Variants in FGA observed in about 807,000 individuals in gnomAD.
The protein encoded by FGA is fibrinogen, A alpha polypeptide.
FGA carries 20 observed loss-of-function variants against 20.3 expected under a neutral mutation model. The ratio of observed to expected loss-of-function variants is 0.99; its 90% CI spans 0.69 to 1.43. The LOEUF is 1.43. Among genes scored for constraint, FGA ranks in the 40% most tolerant of loss-of-function variants. The pLI, the probability that FGA is intolerant of heterozygous loss-of-function variation, is 0.00. For synonymous variants in FGA, 306 were observed against 281.6 expected (o/e 1.09, Z -0.87); for missense variants, 777 against 784.7 (o/e 0.99, Z 0.12).
Position 154,585,629 on chromosome 4 carries a change from G to A in FGA, c.1800C>T (p.Ser600=). 1.2e-6 allele frequency: 2 copies of A among 1,614,156 alleles called. No individual in the cohort carries two copies. The highest frequency in any genetic ancestry group is 1.7e-6 in the Non-Finnish European group (2 of 1,180,020). ...TTCCGGCCTCATCTGCCATTTTATA[G>A]CTCTTGCTTTCAAATGTGGAGTCTC... The part of the protein sequence containing the change: ...NRGDSTFESK[S]YKMADEAGSE... The change falls in exon 5 of 5, where the codon AGC becomes AGT. Residue 600 remains serine, a synonymous_variant. Coordinates refer to ENST00000403106, the MANE Select transcript of FGA (RefSeq NM_021871.4).
At position 154,586,028 on chromosome 4, in the gene FGA, C is replaced by A; in HGVS notation, c.1401G>T (p.Lys467Asn). 1 of 1,614,174 alleles carries A rather than the reference C, an allele frequency of 6.2e-7. No homozygotes were observed. The highest frequency in any genetic ancestry group is 8.5e-7 in the Non-Finnish European group (1 of 1,180,024). Residue 467 changes from lysine to asparagine, a missense_variant, in exon 5 of 5, where the codon AAG (lysine) becomes AAT (asparagine). Coordinates refer to ENST00000403106, the MANE Select transcript of FGA (RefSeq NM_021871.4). ...TGTGACCATCAGGACCAATAACAGT[C>A]TTAGTAACGGTTTTAGAGCATGAAC... The part of the protein sequence containing the change: ...TRRSCSKTVT[K>N]TVIGPDGHKE...
chr4:154,589,404 A>C, intron 2 of FGA, 33 bp downstream of exon 2: 1 of 1,613,074 alleles, frequency 6.2e-7, no homozygotes, highest in Non-Finnish European at 8.5e-7. Context: ...ATCAGAGGGA[A>C]GGAATCTCCT....
rs1426414909 is a variant in FGA, at chr4:154,586,753, T to G, written c.676A>C (p.Met226Leu). ...GGAACCAAGTCTGGAACTGGTTTCA[T>G]TTTTATCAGTGGTAAGTGTTGCCTA... is the stretch of plus-strand genomic sequence containing the variant. ...RDRQHLPLIK[M>L]KPVPDLVPGN... The change falls in exon 5 of 5, where the codon ATG becomes CTG. Residue 226 changes from methionine (M) to leucine (L), a missense_variant. By Grantham distance (15) the Met-to-Leu change is conservative. Coordinates refer to ENST00000403106, the MANE Select transcript of FGA (RefSeq NM_021871.4). The G allele has an allele frequency of 6.2e-7, 1 of 1,614,064 alleles. No individual in the cohort carries two copies. The highest frequency in any genetic ancestry group is 8.5e-7 in the Non-Finnish European group (1 of 1,180,032).
downstream of FGA, chr4:154,584,739 A>G: frequency 1.2e-6 from 2 of 1,614,140 alleles, no homozygotes; most frequent in Non-Finnish European, 1.7e-6. Context: ...CTTGATCGCA[A>G]TAAACAGAAA....
rs190703077 is a variant in FGA, at chr4:154,588,990, G to C, written c.181-14C>G. 6.2e-7 allele frequency: 1 copy of C among 1,605,444 alleles called. No individual in the cohort carries two copies. Among genetic ancestry groups the C allele is most frequent in the Non-Finnish European group, 8.5e-7 (1 of 1,172,374 alleles). The stretch of plus-strand genomic sequence containing the variant: ...GCATTTGTAGTTCTGAAAGTGAAGG[G>C]AGAAAATTACAGTAAGGATCTATCT... On this transcript the variant is annotated splice_polypyrimidine_tract_variant and intron_variant, in intron 2 of 4. Coordinates refer to ENST00000403106, the MANE Select transcript of FGA (RefSeq NM_021871.4).
chr4:154,586,832 A>C lies in FGA; in HGVS notation c.597T>G (p.Asp199Glu), dbSNP rs761701116. The change falls in exon 5 of 5, where the codon GAT (aspartate) becomes GAG (glutamate). Residue 199 changes from aspartate to glutamate, a missense_variant. Coordinates refer to ENST00000403106, the MANE Select transcript of FGA (RefSeq NM_021871.4). ...TGACCTGTTCAAGTTGCTTCTGCTG[A>C]TCTTCATAGTCCTTCAGATCTACTT... Reference protein sequence around the residue: ...AREVDLKDYEDQQKQLEQVIA... With the variant: ...AREVDLKDYEEQQKQLEQVIA... 6.2e-7 allele frequency: 1 copy of C among 1,614,164 alleles called. No homozygotes were observed. Among genetic ancestry groups the C allele is most frequent in the Admixed American group, 1.7e-5 (1 of 60,022 alleles).
chr4:154,585,913 G>T lies in FGA; in HGVS notation c.1516C>A (p.Leu506Met). 1 of 1,614,032 alleles carries T rather than the reference G, an allele frequency of 6.2e-7. No homozygotes were observed. The highest frequency in any genetic ancestry group is 2.2e-5 in the East Asian group (1 of 44,884). The change falls in exon 5 of 5, where the codon CTG becomes ATG. Residue 506 changes from leucine to methionine, a missense_variant. By Grantham distance (15) the Leu-to-Met change is conservative. Transcript: ENST00000403106. ...DLGTLSGIGT[L>M]DGFRHRHPDE... ...GGGTGCCTATGGCGGAACCCATCCAGAGTACCTATGCCAGACAATGTGCCT... is the reference window on the plus strand; with the variant it reads ...GGGTGCCTATGGCGGAACCCATCCATAGTACCTATGCCAGACAATGTGCCT...
At chr4:154,584,313 C>T, downstream of FGA, 3 of 1,614,094 alleles carry the variant, frequency 1.9e-6, no homozygotes, top group Non-Finnish European at 1.7e-6. Flanking sequence ...ACCAGCCTCC[C>T]CCATAGACTT....
chr4:154,584,161 G>C (rs780648473), downstream of FGA: 18 of 1,574,804 alleles, frequency 1.1e-5, no homozygotes, highest in Non-Finnish European at 6.9e-6. Context: ...CATGCGAACA[G>C]CCCTGAGGGA....
rs757049847 is a variant in FGA at position 154,585,587 on chromosome 4, T to C, written c.1842A>G (p.Glu614=). Residue 614 remains glutamate, a synonymous_variant, in exon 5 of 5, where the codon GAA becomes GAG. Transcript: ENST00000403106. ...GGCCTCTCTTGGTGCTATGTGTTCC[T>C]TCATGATCGGCTTCACTTCCGGCCT... The part of the protein sequence containing the change: ...ADEAGSEADH[E]GTHSTKRGHA... 6 of 1,614,082 alleles carry C rather than the reference T, an allele frequency of 3.7e-6. No individual in the cohort carries two copies. The highest frequency in any genetic ancestry group is 5.1e-6 in the Non-Finnish European group (6 of 1,180,030).
rs121909605 is a variant in FGA at position 154,589,525 on chromosome 4, C to A, written c.92G>T (p.Gly31Val). Residue 31 changes from glycine to valine, a missense_variant, in exon 2 of 5, where the codon GGA (glycine) becomes GTA (valine). Coordinates refer to ENST00000403106, the MANE Select transcript of FGA (RefSeq NM_021871.4). ...AACCCTTGGGCCACGCACGCCTCCT[C>A]CTTCAGCTAGAAAGTCACCTTCACC... is the stretch of plus-strand genomic sequence containing the variant. ...DSGEGDFLAEGGGVRGPRVVE... is the reference protein window; with the variant it reads ...DSGEGDFLAEVGGVRGPRVVE... 1.2e-6 allele frequency: 2 copies of A among 1,613,786 alleles called. No homozygotes were observed. The highest frequency in any genetic ancestry group is 2.7e-5 in the African/African-American group (2 of 74,902).
chr4:154,587,397 G>C lies in FGA; in HGVS notation c.510+115C>G, dbSNP rs1730752389. 5 of 984,062 alleles carry C rather than the reference G, an allele frequency of 5.1e-6. No homozygotes were observed. The South Asian group carries it at 6.7e-5, about 13-fold the overall frequency. 61.0% of individuals were successfully genotyped at this position (984,062 alleles called of 1,614,324 possible). On this transcript the variant is annotated intron_variant, in intron 4 of 4. Coordinates refer to ENST00000403106, the MANE Select transcript of FGA (RefSeq NM_021871.4). Reference sequence around the variant, plus strand: ...GGAAAATAATACCTACTTTTAGGTAGATGATGGATATAACACTTTTCTCTG... The same window carrying C: ...GGAAAATAATACCTACTTTTAGGTACATGATGGATATAACACTTTTCTCTG...
At position 154,587,570 on chromosome 4, in the gene FGA, T is replaced by C. The variant is rs1375832563; in HGVS notation, c.452A>G (p.His151Arg). 3.1e-6 allele frequency: 5 copies of C among 1,614,030 alleles called. No individual in the cohort carries two copies. The highest frequency in any genetic ancestry group is 1.3e-5 in the African/African-American group (1 of 75,032). Residue 151 changes from histidine to arginine, a missense_variant, in exon 4 of 5, where the codon CAT becomes CGT. By Grantham distance (29) the His-to-Arg change is conservative (BLOSUM62 0). Transcript: ENST00000403106. ...LKRKVIEKVQHIQLLQKNVRA... is the reference protein window; with the variant it reads ...LKRKVIEKVQRIQLLQKNVRA... ...AACATTTTTCTGCAGAAGCTGGATATGCTGTACTTTTTCTATGACTTTGCG... is the reference window on the plus strand; with the variant it reads ...AACATTTTTCTGCAGAAGCTGGATACGCTGTACTTTTTCTATGACTTTGCG...
chr4:154,589,028 A>G, intron 2 of FGA, 52 bp from the exon 3 acceptor site: 1 of 1,479,710 alleles, frequency 6.8e-7, no homozygotes, highest in African/African-American at 1.4e-5. Flanking sequence ...CAGATTCAGA[A>G]TAATTTTGCA....
In FGA at chr4:154,588,804, G is replaced by GA; in HGVS notation, c.352dup (p.Ser118PhefsTer5). On this transcript the variant is annotated frameshift_variant, in exon 3 of 5. Coordinates refer to ENST00000403106, the MANE Select transcript of FGA (RefSeq NM_021871.4). LOFTEE classifies it high-confidence loss of function. ...TATGTAATACTTACTATTGGCTGAGGAAAAATCGCCTCTCAAAATTTCCAT... is the reference window on the plus strand; with the variant it reads ...TATGTAATACTTACTATTGGCTGAGGAAAAAATCGCCTCTCAAAATTTCCAT... The GA allele has an allele frequency of 6.2e-7, 1 of 1,609,174 alleles. No individual in the cohort carries two copies.
Position 154,587,538 on chromosome 4 carries a change from G to A in FGA, c.484C>T (p.Gln162Ter), listed in dbSNP as rs1730757471. 1 of 1,613,784 alleles carries A rather than the reference G, an allele frequency of 6.2e-7. No homozygotes were observed. Among genetic ancestry groups the A allele is most frequent in the South Asian group, 1.1e-5 (1 of 91,066 alleles). ...IQLLQKNVRA[Q>*]LVDMKRLEVD... ...TCCAGTCGTTTCATATCAACCAACT[G>A]AGCTCTAACATTTTTCTGCAGAAGC... The change falls in exon 4 of 5, where the codon CAG (glutamine) becomes TAG (stop). Residue 162 changes from glutamine (Q) to a stop codon, truncating the protein, a stop_gained. Coordinates refer to ENST00000403106, the MANE Select transcript of FGA (RefSeq NM_021871.4). LOFTEE classifies it low-confidence loss of function (END_TRUNC).
chr4:154,584,620 T>G (rs1247997945), downstream of FGA: 1 of 1,614,054 alleles, frequency 6.2e-7, no homozygotes, highest in East Asian at 2.2e-5. Flanking sequence ...TCCTTCCCCC[T>G]CGTCATTCAG....
intron 4 of FGA, among the ~76,000 whole-genome samples, chr4:154,587,153 C>A (rs1730748019): frequency 6.6e-6 from 1 of 152,072 alleles, no homozygotes; most frequent in Non-Finnish European, 1.5e-5. Context: ...TTCATCTTAG[C>A]CTCAGAATGG....
rs1730807167 is a variant in FGA, at chr4:154,589,051, G to A, written c.181-75C>T. 6 of 1,289,986 alleles carry A rather than the reference G, an allele frequency of 4.7e-6. No individual in the cohort carries two copies. In the South Asian group the frequency reaches 6.0e-5, roughly 13 times the overall value. 79.9% of individuals were successfully genotyped at this position (1,289,986 alleles called of 1,614,324 possible). A position where few individuals can be genotyped will look rare whatever the true frequency, so the allele number is the denominator to read the frequency against. On this transcript the variant is annotated intron_variant, in intron 2 of 4. Transcript: ENST00000403106. ...GAATAATTTTGCATGTTTCCATGCA[G>A]CCCCCATTTCTTCCTACCCTATCTC...
Sources: gnomAD v4.1 joint callset for allele counts (sites outside exome capture counted in the v4.1 genomes callset) on GRCh38, gnomAD v4.1.1 for gene constraint, MANE v1.5 for transcripts, NCBI Gene and HGNC (gene_info 2026-07-23, HGNC 2026-07-21) for gene names.